The following GTF3C1 variants were observed in gnomAD, a reference collection of about 807,000 sequenced individuals.
GTF3C1 encodes general transcription factor 3C polypeptide 1.
A neutral mutation model predicts 226.7 loss-of-function variants in GTF3C1; 57 were observed. That is an observed-to-expected ratio of 0.25 (90% CI 0.20 to 0.31). GTF3C1 has a LOEUF of 0.31. Among genes scored for constraint, GTF3C1 ranks in the 10% least tolerant of loss-of-function variants. The pLI, the probability that GTF3C1 is intolerant of heterozygous loss-of-function variation, is 1.00. For missense variants in GTF3C1, 2,217 were observed against 2,776.1 expected, an observed-to-expected ratio of 0.80 and a Z score of 4.53; for synonymous variants, 1,090 against 1,084.8, an observed-to-expected ratio of 1.00 and a Z score of -0.09.
intron 5 of GTF3C1, among the ~76,000 whole-genome samples, chr16:27,531,245 C>T (rs745781717): frequency 6.6e-6 from 1 of 152,236 alleles, no homozygotes; most frequent in African/African-American, 2.4e-5. Context: ...TCTGATTGGG[C>T]CCCTACCTTC....
intron 6 of GTF3C1, 101 bp from the exon 7 acceptor site, chr16:27,512,002 G>A (rs1252689801): frequency 9.0e-6 from 12 of 1,326,910 alleles, no homozygotes. Flanking sequence ...AGCAGAGACA[G>A]AGATCCCCAC....
At chr16:27,485,143 G>C (rs530509982) in intron 24 of GTF3C1, among the ~76,000 whole-genome samples, 1 of 152,388 alleles carries the variant, frequency 6.6e-6, no homozygotes, top group East Asian at 1.9e-4. Flanking sequence ...TGAGGGATGA[G>C]AGAACAGGGG....
intron 5 of GTF3C1, among the ~76,000 whole-genome samples, chr16:27,531,083 G>A (rs779533630): frequency 2.6e-5 from 4 of 152,094 alleles, no homozygotes; most frequent in South Asian, 2.1e-4. Context: ...AGGCTCAAGC[G>A]ATTCTCTGGT....
At chr16:27,485,899 G>A (rs1799756646) in intron 24 of GTF3C1, 98 bp downstream of exon 24, 1 of 713,502 alleles carries the variant, frequency 1.4e-6, no homozygotes, top group South Asian at 1.9e-5. Context: ...CAGAGCAGCT[G>A]AGAGGAGTGG....
chr16:27,486,080 T>A lies in GTF3C1; in HGVS notation c.3775A>T (p.Thr1259Ser). The change falls in exon 24 of 37, where the codon ACG becomes TCG. Residue 1259 changes from threonine to serine, a missense_variant. Physicochemically the swap from Thr to Ser is moderately conservative, Grantham distance 58. Around this residue, in one of 12 missense-constraint regions of GTF3C1, gnomAD observed 546 missense variants for 663.0 expected, o/e 0.82. Transcript: ENST00000356183. ...ATAGACCAGGTGACACGAAGCCGCGTCATCCGCTGCAGGGCACTCTGGTCG... is the reference window on the plus strand; with the variant it reads ...ATAGACCAGGTGACACGAAGCCGCGACATCCGCTGCAGGGCACTCTGGTCG... ...EADQSALQRM[T>S]RLRVTWSMQE... The A allele has an allele frequency of 6.2e-7, 1 of 1,609,306 alleles. No individual in the cohort carries two copies. The highest frequency in any genetic ancestry group is 1.1e-5 in the South Asian group (1 of 90,954).
chr16:27,541,649 G>A (rs889332032), intron 2 of GTF3C1, among the ~76,000 whole-genome samples: 8 of 152,192 alleles, frequency 5.3e-5, no homozygotes, highest in Non-Finnish European at 7.3e-5. Flanking sequence ...TCTGAATGAT[G>A]TGGCGACGTG....
Position 27,460,788 on chromosome 16 carries a change from C to G in GTF3C1, c.*562G>C, listed in dbSNP as rs1420842586. 3 of 152,230 alleles carry G rather than the reference C, an allele frequency of 2.0e-5. No homozygotes were observed. The highest frequency in any genetic ancestry group is 4.4e-5 in the Non-Finnish European group (3 of 68,084). The allele number at this position is 152,230 out of a possible 1,614,324, so 9.4% of individuals were successfully genotyped here. A position where few individuals can be genotyped will look rare whatever the true frequency, so the allele number is the denominator to read the frequency against. Reference sequence around the variant, plus strand: ...CAGCCAGGCTGAGGGACACGGACAGCCAGCCCAGCTGGGGCCTGCCAGGTG... The same window carrying G: ...CAGCCAGGCTGAGGGACACGGACAGGCAGCCCAGCTGGGGCCTGCCAGGTG... On this transcript the variant is annotated 3_prime_UTR_variant, in exon 37 of 37. Coordinates refer to ENST00000356183, the MANE Select transcript of GTF3C1 (RefSeq NM_001520.4).
intron 4 of GTF3C1, among the ~76,000 whole-genome samples, chr16:27,535,428 AGC>A (rs1339522027): frequency 5.3e-5 from 8 of 152,260 alleles, no homozygotes; most frequent in Admixed American, 3.3e-4. Context: ...CAAAAAAATT[AGC>A]CAGGTGTGGT....
intron 23 of GTF3C1, among the ~76,000 whole-genome samples, chr16:27,487,568 C>T (rs755603745): frequency 5.3e-4 from 81 of 152,182 alleles, no homozygotes; most frequent in Non-Finnish European, 1.8e-4. Context: ...ACCAGCATGG[C>T]GGCTCACTTG....
rs2087711827 is a variant in GTF3C1 at position 27,461,960 on chromosome 16, T to C, written c.6117+334A>G. 4 of 385,388 alleles carry C rather than the reference T, an allele frequency of 1.0e-5. No homozygotes were observed. Among genetic ancestry groups the C allele is most frequent in the Non-Finnish European group, 1.9e-5 (4 of 211,572 alleles). The allele number at this position is 385,388 out of a possible 1,614,324, so 23.9% of individuals were successfully genotyped here. On this transcript the variant is annotated intron_variant, in intron 36 of 36. Coordinates refer to ENST00000356183, the MANE Select transcript of GTF3C1 (RefSeq NM_001520.4). The surrounding 1 kb of genome is among the most constrained non-coding windows in gnomAD (Gnocchi z 5.3). ...AGGAGCTGGAGGCCCCAGGCACACATGGGAGTCAGCCAAGCAGGAAGCAGC... is the reference window on the plus strand; with the variant it reads ...AGGAGCTGGAGGCCCCAGGCACACACGGGAGTCAGCCAAGCAGGAAGCAGC...
At chr16:27,489,940 A>T (rs956724852) in intron 19 of GTF3C1, among the ~76,000 whole-genome samples, 197 bp from the exon 20 acceptor site, 6 of 152,222 alleles carry the variant, frequency 3.9e-5, no homozygotes, top group African/African-American at 1.2e-4. Flanking sequence ...ACAGAGGAAG[A>T]GAGTTGGAGT....
At chr16:27,504,032 G>A (rs950924460) in intron 10 of GTF3C1, among the ~76,000 whole-genome samples, 6 of 152,246 alleles carry the variant, frequency 3.9e-5, no homozygotes, top group Admixed American at 6.5e-5. Flanking sequence ...AAAGTCTTTC[G>A]TTCACCTTCG....
rs781315924 is a variant in GTF3C1 at position 27,528,733 on chromosome 16, C to T, written c.850-12G>A. 6.2e-7 allele frequency: 1 copy of T among 1,612,590 alleles called. No homozygotes were observed. The highest frequency in any genetic ancestry group is 1.1e-5 in the South Asian group (1 of 91,042). On this transcript the variant is annotated splice_polypyrimidine_tract_variant and intron_variant, in intron 5 of 36. Coordinates refer to ENST00000356183, the MANE Select transcript of GTF3C1 (RefSeq NM_001520.4). ...CTTTCGCACAGCCCCTGCCAAAACA[C>T]AATTTAAAGGCTACTATTAGACACA... is the stretch of plus-strand genomic sequence containing the variant.
intron 5 of GTF3C1, 42 bp downstream of exon 5, chr16:27,533,249 C>G (rs773928971): frequency 3.5e-5 from 34 of 973,434 alleles, no homozygotes; most frequent in Middle Eastern, 2.1e-4. Context: ...GGCTATGGTA[C>G]AGATCACACC....
intron 2 of GTF3C1, among the ~76,000 whole-genome samples, chr16:27,544,047 GC>G (rs2089128059): frequency 6.6e-6 from 1 of 152,160 alleles, no homozygotes; most frequent in African/African-American, 2.4e-5. Context: ...AGGTTCTGCT[GC>G]GAGATGGGTG....
chr16:27,512,202 G>C (rs1468290936), intron 6 of GTF3C1, among the ~76,000 whole-genome samples: 1 of 152,150 alleles, frequency 6.6e-6, no homozygotes, highest in Non-Finnish European at 1.5e-5. Flanking sequence ...TCTCCTGCTG[G>C]AGACCAGCTC....
chr16:27,492,699 GA>G lies in GTF3C1; in HGVS notation c.2890del (p.Ser964ArgfsTer33). The G allele has an allele frequency of 2.5e-6, 4 of 1,589,240 alleles. No homozygotes were observed. Among genetic ancestry groups the G allele is most frequent in the Non-Finnish European group, 3.5e-6 (4 of 1,157,288 alleles). ...CAGCCTCTGAAGGTTCTCCACCACCGAAAAAATGTAACGCCTAGAAAACAGA... is the reference window on the plus strand; with the variant it reads ...CAGCCTCTGAAGGTTCTCCACCACCGAAAAATGTAACGCCTAGAAAACAGA... ...QLLYKRRYIF[S>X]VVENLQRLCY... On this transcript the variant is annotated frameshift_variant, in exon 18 of 37. Transcript: ENST00000356183. LOFTEE classifies it high-confidence loss of function. The surrounding 1 kb of genome is among the most constrained non-coding windows in gnomAD (Gnocchi z 5.0).
chr16:27,489,986 G>A (rs966648526), intron 19 of GTF3C1, among the ~76,000 whole-genome samples: 5 of 152,234 alleles, frequency 3.3e-5, no homozygotes, highest in African/African-American at 9.6e-5. Flanking sequence ...TCTATGCCAG[G>A]CTGAATTCAC....
intron 7 of GTF3C1, among the ~76,000 whole-genome samples, chr16:27,509,381 G>A (rs2088537767): frequency 6.6e-6 from 1 of 152,166 alleles, no homozygotes; most frequent in Non-Finnish European, 1.5e-5. Flanking sequence ...CTTAGGAACT[G>A]GGAGGTGGGC....
Sources: allele counts gnomAD v4.1 joint callset (sites outside exome capture counted in the v4.1 genomes callset), GRCh38; gene constraint gnomAD v4.1.1; regional missense constraint gnomAD v4.1.1; non-coding constraint Gnocchi (gnomAD v3.1); transcripts MANE v1.5; gene names NCBI Gene and HGNC (gene_info 2026-07-23, HGNC 2026-07-21).